ERBB4: variants seen among roughly 807,000 people sequenced by gnomAD.
The protein encoded by ERBB4 is receptor tyrosine-protein kinase erbB-4.
In ERBB4, 42 loss-of-function variants were observed where a neutral mutation model predicts 158.0. That is an observed-to-expected ratio of 0.27 (90% CI 0.21 to 0.34). The LOEUF is 0.34. ERBB4 is among the 10% of genes least tolerant of loss of function. The probability of loss-of-function intolerance (pLI) is 1.00; values close to 1 mark genes in which losing one functional copy is unlikely to be tolerated. For synonymous variants in ERBB4, 583 were observed against 558.7 expected, an observed-to-expected ratio of 1.04 and a Z score of -0.61; for missense variants, 1,333 against 1,624.1, an observed-to-expected ratio of 0.82 and a Z score of 3.08.
intron 20 of ERBB4, among the ~76,000 whole-genome samples, chr2:211,560,765 C>T (rs957805203): frequency 5.3e-5 from 8 of 152,162 alleles, no homozygotes; most frequent in African/African-American, 1.9e-4. Context: ...TTATAATACA[C>T]AGTCCATAAG....
chr2:211,791,170 T>C (rs1162172826), intron 3 of ERBB4, among the ~76,000 whole-genome samples: 2 of 151,972 alleles, frequency 1.3e-5, no homozygotes, highest in Non-Finnish European at 2.9e-5. Context: ...GACTGCCTAA[T>C]GTTTCTGTCT....
At chr2:212,385,028 T>C (rs1341097088) in intron 1 of ERBB4, among the ~76,000 whole-genome samples, 2 of 151,050 alleles carry the variant, frequency 1.3e-5, no homozygotes, top group Non-Finnish European at 3.0e-5. Context: ...AAAGAATCGT[T>C]TGTGTAGCTG....
chr2:211,634,974 G>C (rs1241781278), intron 16 of ERBB4, among the ~76,000 whole-genome samples: 1 of 152,122 alleles, frequency 6.6e-6, no homozygotes, highest in East Asian at 1.9e-4. Flanking sequence ...TCCAGGCCTT[G>C]AATGTGAATC....
intron 2 of ERBB4, among the ~76,000 whole-genome samples, chr2:211,958,554 A>G (rs1214315076): frequency 1.3e-5 from 2 of 152,122 alleles, no homozygotes; most frequent in Non-Finnish European, 2.9e-5. Context: ...TTTATAAATG[A>G]AGTAACTGCA....
chr2:212,015,085 TATATATATATATATATATATATATATA>T lies in ERBB4; in HGVS notation c.235-67496_235-67470del, dbSNP rs1559320967. Among the ~76,000 whole-genome samples, 56 of 10,664 alleles carry T rather than the reference TATATATATATATATATATATATATATA, an allele frequency of 5.3e-3. 7 individuals are homozygous for T. The highest frequency in any genetic ancestry group is 9.9e-3 in the Non-Finnish European group (43 of 4,362). The allele number at this position is 10,664 out of a possible 152,430, so 7.0% of individuals were successfully genotyped here. A position where few individuals can be genotyped will look rare whatever the true frequency, so the allele number is the denominator to read the frequency against. On this transcript the variant is annotated intron_variant, in intron 2 of 27. Coordinates refer to ENST00000342788, the MANE Select transcript of ERBB4 (RefSeq NM_005235.3). ...ATATATATATATATATATATATATA[TATATATATATATATATATATATATATA>T]AAAATTAGCCGGGCATGGTGGCGGG...
At chr2:211,637,814 T>C (rs558957278) in intron 16 of ERBB4, among the ~76,000 whole-genome samples, 295 of 152,126 alleles carry the variant, frequency 1.9e-3, no homozygotes, top group African/African-American at 6.0e-3. Flanking sequence ...ATTTTATGTA[T>C]TGGAGTCTCA....
chr2:212,417,391 C>A (rs2091681980), intron 1 of ERBB4, among the ~76,000 whole-genome samples: 1 of 151,900 alleles, frequency 6.6e-6, no homozygotes. Flanking sequence ...TATTCCTAAT[C>A]CAAAAATCTA....
Position 212,150,509 on chromosome 2 carries a change from T to A in ERBB4, c.83-25606A>T, listed in dbSNP as rs187474237. ...ATCTTTTACAGGCACACATTCGACC[T>A]CTAACAACTAATAACATGAATGTTT... On this transcript the variant is annotated intron_variant, in intron 1 of 27. Transcript: ENST00000342788. Among the ~76,000 whole-genome samples, 64 of 152,280 alleles carry A rather than the reference T, an allele frequency of 4.2e-4. No homozygotes were observed. In the Middle Eastern group the frequency reaches 0.031, roughly 73 times the overall value.
intron 2 of ERBB4, among the ~76,000 whole-genome samples, chr2:212,059,877 C>G (rs2077706335): frequency 6.6e-6 from 1 of 152,172 alleles, no homozygotes; most frequent in Non-Finnish European, 1.5e-5. Flanking sequence ...AGGACACAGG[C>G]ATGGGCAAGC....
intron 20 of ERBB4, among the ~76,000 whole-genome samples, chr2:211,458,115 T>TGATATATCCATAGATATATCACTCTATG (rs1553538638): frequency 5.3e-5 from 8 of 151,846 alleles, no homozygotes; most frequent in African/African-American, 1.7e-4. Context: ...TATCACTCTA[T>TGATATATCCATAGATATATCACTCTATG]ATATCTTTCA....
intron 1 of ERBB4, among the ~76,000 whole-genome samples, chr2:212,255,356 A>G (rs903675849): frequency 6.6e-6 from 1 of 152,186 alleles, no homozygotes; most frequent in Non-Finnish European, 1.5e-5. Context: ...TTCATTTTCT[A>G]ACTAATGTAA....
At chr2:211,585,217 C>T (rs1267212789) in intron 19 of ERBB4, among the ~76,000 whole-genome samples, 9 of 151,858 alleles carry the variant, frequency 5.9e-5, no homozygotes, top group African/African-American at 1.9e-4. Flanking sequence ...CTGGGCGTGG[C>T]AGCGGGAGCC....
At chr2:212,482,773 T>C (rs774514806) in intron 1 of ERBB4, among the ~76,000 whole-genome samples, 1 of 152,132 alleles carries the variant, frequency 6.6e-6, no homozygotes, top group East Asian at 1.9e-4. Context: ...TGGGTCACCA[T>C]GCCCGGCAAA....
chr2:211,705,544 G>A (rs1435728807), intron 9 of ERBB4, among the ~76,000 whole-genome samples, 153 bp from the exon 10 acceptor site: 1 of 152,170 alleles, frequency 6.6e-6, no homozygotes, highest in Non-Finnish European at 1.5e-5. Context: ...AGATGTGGAG[G>A]AGGAATAATA....
chr2:212,275,224 A>C (rs1274761953), intron 1 of ERBB4, among the ~76,000 whole-genome samples: 1 of 151,956 alleles, frequency 6.6e-6, no homozygotes, highest in Non-Finnish European at 1.5e-5. Context: ...ACAGTGCCGC[A>C]ATAAACATAC....
chr2:211,428,270 G>A, intron 22 of ERBB4, 138 bp downstream of exon 22: 1 of 460,290 alleles, frequency 2.2e-6, no homozygotes, highest in Admixed American at 3.5e-5. Flanking sequence ...AAAGCAAAGA[G>A]TTAACTGCTT....
chr2:212,472,727 T>C (rs1030959816), intron 1 of ERBB4, among the ~76,000 whole-genome samples: 1 of 151,902 alleles, frequency 6.6e-6, no homozygotes, highest in Admixed American at 6.6e-5. Context: ...GTCATGTGTT[T>C]GCATGTTATA....
intron 4 of ERBB4, among the ~76,000 whole-genome samples, chr2:211,765,326 G>C (rs2075525768): frequency 6.6e-6 from 1 of 152,144 alleles, no homozygotes; most frequent in Non-Finnish European, 1.5e-5. Flanking sequence ...AATATGGTCA[G>C]ATAAAAGACT....
intron 1 of ERBB4, among the ~76,000 whole-genome samples, chr2:212,326,814 A>G (rs1324550961): frequency 6.6e-6 from 1 of 150,774 alleles, no homozygotes; most frequent in African/African-American, 2.4e-5. Flanking sequence ...AGAAAAATGC[A>G]TGTGTTTGCT....
Sources: gnomAD v4.1 joint callset for allele counts (sites outside exome capture counted in the v4.1 genomes callset) on GRCh38, gnomAD v4.1.1 for gene constraint, MANE v1.5 for transcripts, NCBI Gene and HGNC (gene_info 2026-07-23, HGNC 2026-07-21) for gene names.